PDE10A: variants seen among roughly 807,000 people sequenced by gnomAD.
PDE10A encodes phosphodiesterase 10A.
In PDE10A, 39 loss-of-function variants were observed where a neutral mutation model predicts 97.7. That is an observed-to-expected ratio of 0.40 (90% CI 0.31 to 0.52). PDE10A has a LOEUF of 0.52. Among genes scored for constraint, PDE10A ranks in the 20% least tolerant of loss-of-function variants. PDE10A has a pLI of 0.56. For synonymous variants in PDE10A, 371 were observed against 376.8 expected, an observed-to-expected ratio of 0.98 and a Z score of 0.18; for missense variants, 731 against 1,047.8, an observed-to-expected ratio of 0.70 and a Z score of 4.17.
chr6:165,597,581 C>T (rs114550418), intron 1 of PDE10A, among the ~76,000 whole-genome samples: 1,625 of 152,270 alleles, frequency 0.011, 26 homozygotes, highest in African/African-American at 0.034. Flanking sequence ...GAAGGAAACA[C>T]TCCCTCAAAT....
At chr6:165,366,105 T>C (rs1740813) in intron 18 of PDE10A, among the ~76,000 whole-genome samples, 24,395 of 152,132 alleles carry the variant, frequency 0.16, 2,431 homozygotes, top group Non-Finnish European at 0.22. Flanking sequence ...CCATGGAACA[T>C]GGATACAGAT....
chr6:165,335,120 A>G (rs1781572825), intron 21 of PDE10A, among the ~76,000 whole-genome samples: 1 of 152,364 alleles, frequency 6.6e-6, no homozygotes, highest in African/African-American at 2.4e-5. Context: ...TTTATAAAGT[A>G]AAATGAAAAT....
chr6:165,825,764 G>A (rs1184890510), intron 1 of PDE10A, among the ~76,000 whole-genome samples: 2 of 152,130 alleles, frequency 1.3e-5, no homozygotes, highest in East Asian at 1.9e-4. Flanking sequence ...GGGAGTGGGA[G>A]GGCCTGAACC....
At chr6:165,779,522 G>A (rs1778289475) in intron 1 of PDE10A, among the ~76,000 whole-genome samples, 1 of 152,194 alleles carries the variant, frequency 6.6e-6, no homozygotes, top group Non-Finnish European at 1.5e-5. Context: ...GTACTCTGCT[G>A]CAATTAATCC....
intron 18 of PDE10A, among the ~76,000 whole-genome samples, chr6:165,351,698 T>C (rs1782704408): frequency 6.6e-6 from 1 of 152,196 alleles, no homozygotes; most frequent in African/African-American, 2.4e-5. Context: ...ACATAATTTA[T>C]GTTCAAGCCA....
intron 1 of PDE10A, among the ~76,000 whole-genome samples, chr6:165,695,985 T>G (rs530578366): frequency 6.6e-6 from 1 of 152,090 alleles, no homozygotes; most frequent in East Asian, 1.9e-4. Context: ...CTGTGTGAAG[T>G]CAAGAAAAGA....
intron 1 of PDE10A, among the ~76,000 whole-genome samples, chr6:165,724,658 T>C (rs901485117): frequency 6.6e-6 from 1 of 152,248 alleles, no homozygotes; most frequent in Non-Finnish European, 1.5e-5. Context: ...CAAGAATAAC[T>C]AATGGAAGTT....
At chr6:165,516,883 C>T (rs1240222951) in intron 2 of PDE10A, among the ~76,000 whole-genome samples, 2 of 152,072 alleles carry the variant, frequency 1.3e-5, no homozygotes, top group Non-Finnish European at 2.9e-5. Context: ...TCCTTGAATA[C>T]TAAAAATGAT....
chr6:165,979,278 T>C (rs1170374982), intron 1 of PDE10A, among the ~76,000 whole-genome samples: 3 of 152,164 alleles, frequency 2.0e-5, no homozygotes, highest in African/African-American at 7.2e-5. Context: ...AAGGAGCACG[T>C]GGGCTTTCTC....
chr6:165,511,509 C>A (rs931364619), intron 2 of PDE10A, among the ~76,000 whole-genome samples: 2 of 151,948 alleles, frequency 1.3e-5, no homozygotes, highest in South Asian at 4.1e-4. Context: ...AGATAAAATG[C>A]TCTGTAAACC....
At chr6:165,940,667 C>A (rs1254211700) in intron 1 of PDE10A, 1 of 152,278 alleles carries the variant, frequency 6.6e-6, no homozygotes, top group African/African-American at 2.4e-5. Context: ...GGTGCTTCCT[C>A]GTTCCTGGGA....
At chr6:165,840,517 A>G (rs1186415802) in intron 1 of PDE10A, among the ~76,000 whole-genome samples, 1 of 152,234 alleles carries the variant, frequency 6.6e-6, no homozygotes, top group African/African-American at 2.4e-5. Flanking sequence ...CAGCAGTTGC[A>G]CATGACTGGG....
At chr6:165,764,927 G>C (rs1337345136) in intron 1 of PDE10A, among the ~76,000 whole-genome samples, 1 of 152,062 alleles carries the variant, frequency 6.6e-6, no homozygotes, top group African/African-American at 2.4e-5. Context: ...GTTTTGACAG[G>C]GCACTGATTG....
At chr6:165,834,467 G>C (rs559926253) in intron 1 of PDE10A, among the ~76,000 whole-genome samples, 1 of 152,196 alleles carries the variant, frequency 6.6e-6, no homozygotes, top group Non-Finnish European at 1.5e-5. Context: ...GCCTGGGAGT[G>C]GGGGGAGTGA....
chr6:165,793,260 T>C (rs1778705608), intron 1 of PDE10A, among the ~76,000 whole-genome samples: 1 of 152,164 alleles, frequency 6.6e-6, no homozygotes, highest in South Asian at 2.1e-4. Flanking sequence ...CTTTTTATTT[T>C]TCTTTTTTGT....
At chr6:165,550,732 T>C (rs778795450) in intron 1 of PDE10A, among the ~76,000 whole-genome samples, 129 of 152,180 alleles carry the variant, frequency 8.5e-4, no homozygotes, top group Admixed American at 1.9e-3. Flanking sequence ...CAGATAACAA[T>C]TCAACTTCAG....
chr6:165,340,893 G>A (rs1781933546), intron 19 of PDE10A, among the ~76,000 whole-genome samples: 1 of 152,212 alleles, frequency 6.6e-6, no homozygotes, highest in Non-Finnish European at 1.5e-5. Flanking sequence ...AGGATCAGAA[G>A]CAGGGTACGG....
chr6:165,610,979 G>T (rs781052320), intron 1 of PDE10A, among the ~76,000 whole-genome samples: 44 of 151,874 alleles, frequency 2.9e-4, no homozygotes, highest in Admixed American at 7.9e-4. Context: ...TTCCAATCGG[G>T]AGAGTTGCGA....
chr6:165,835,815 G>C (rs1780050407), intron 1 of PDE10A, among the ~76,000 whole-genome samples: 1 of 152,192 alleles, frequency 6.6e-6, no homozygotes, highest in Non-Finnish European at 1.5e-5. Flanking sequence ...GGCACGGGCT[G>C]AGCAGGACCC....
Sources: gnomAD v4.1 joint callset for allele counts (sites outside exome capture counted in the v4.1 genomes callset) on GRCh38, gnomAD v4.1.1 for gene constraint, MANE v1.5 for transcripts, NCBI Gene and HGNC (gene_info 2026-07-23, HGNC 2026-07-21) for gene names.